The following CLDN22 variants were observed in gnomAD, a reference collection of about 807,000 sequenced individuals.
CLDN22 encodes the protein claudin-22.
For synonymous variants in CLDN22, 86 were observed against 107.9 expected, an observed-to-expected ratio of 0.80 and a Z score of 1.26; for missense variants, 227 against 252.2, an observed-to-expected ratio of 0.90 and a Z score of 0.68.
rs539048430 is a variant in CLDN22, at chr4:183,319,899, A to T, written c.320T>A (p.Ile107Asn). Residue 107 changes from isoleucine (I) to asparagine (N), a missense_variant, in exon 1 of 1, where the codon ATT (isoleucine) becomes AAT (asparagine). Coordinates refer to ENST00000323319, the MANE Select transcript of CLDN22 (RefSeq NM_001111319.3). ...CTTGAGATCTCTCTGACTCTCTCCAATTCTCAAACAGTCCAGGCCAAACCC... is the reference window on the plus strand; with the variant it reads ...CTTGAGATCTCTCTGACTCTCTCCATTTCTCAAACAGTCCAGGCCAAACCC... ...VSGFGLDCLR[I>N]GESQRDLKRR... 4.3e-6 allele frequency: 7 copies of T among 1,613,900 alleles called. No individual in the cohort carries two copies. The highest frequency in any genetic ancestry group is 5.9e-6 in the Non-Finnish European group (7 of 1,179,866).
In CLDN22 at chr4:183,319,413, G is replaced by A. The variant is rs1314691881; in HGVS notation, c.*143C>T. 4 of 933,882 alleles carry A rather than the reference G, an allele frequency of 4.3e-6. No homozygotes were observed. Among genetic ancestry groups the A allele is most frequent in the Non-Finnish European group, 6.4e-6 (4 of 620,518 alleles). The allele number at this position is 933,882 out of a possible 1,614,324, so 57.8% of individuals were successfully genotyped here. ...AGATAAAAATGGTTTACCAGTCTTGGAAAGAAACTATAGTTTAATAGCCAC... is the reference window on the plus strand; with the variant it reads ...AGATAAAAATGGTTTACCAGTCTTGAAAAGAAACTATAGTTTAATAGCCAC... On this transcript the variant is annotated 3_prime_UTR_variant, in exon 1 of 1. Transcript: ENST00000323319.
chr4:183,320,131 G>A lies in CLDN22; in HGVS notation c.88C>T (p.Leu30=), dbSNP rs1716911137. ...GWVLSCLTNY[L]PHWKNLNLDL... is the part of the protein sequence containing the mutation. ...AGGTTGAGGTTCTTCCAGTGTGGCA[G>A]GTAGTTTGTAAGACAGGATAAAACC... Residue 30 remains leucine, a synonymous_variant, in exon 1 of 1, where the codon CTG becomes TTG. Coordinates refer to ENST00000323319, the MANE Select transcript of CLDN22 (RefSeq NM_001111319.3). The A allele has an allele frequency of 1.2e-6, 2 of 1,613,928 alleles. No individual in the cohort carries two copies. The highest frequency in any genetic ancestry group is 1.3e-5 in the African/African-American group (1 of 74,872).
chr4:183,320,226 T>C lies in CLDN22; in HGVS notation c.-8A>G, dbSNP rs1249613600. ...TCTAAATACTAAAGCCATTATAATG[T>C]CCTGAGAGCTTTAGCCAAACTAACT... On this transcript the variant is annotated 5_prime_UTR_variant, in exon 1 of 1. Transcript: ENST00000323319. The C allele has an allele frequency of 1.9e-6, 3 of 1,603,808 alleles. No individual in the cohort carries two copies.
At position 183,319,423 on chromosome 4, in the gene CLDN22, A is replaced by G. The variant is rs1263833550; in HGVS notation, c.*133T>C. 5.1e-6 allele frequency: 5 copies of G among 982,010 alleles called. No individual in the cohort carries two copies. The highest frequency in any genetic ancestry group is 3.4e-5 in the South Asian group (2 of 59,680). The allele number at this position is 982,010 out of a possible 1,614,324, so 60.8% of individuals were successfully genotyped here. ...GGTTTACCAGTCTTGGAAAGAAACTATAGTTTAATAGCCACAGGAAAAGAT... is the reference window on the plus strand; with the variant it reads ...GGTTTACCAGTCTTGGAAAGAAACTGTAGTTTAATAGCCACAGGAAAAGAT... On this transcript the variant is annotated 3_prime_UTR_variant, in exon 1 of 1. Transcript: ENST00000323319.
In CLDN22 at chr4:183,320,266, G is replaced by T; in HGVS notation, c.-48C>A. The T allele has an allele frequency of 6.6e-7, 1 of 1,523,824 alleles. No homozygotes were observed. The highest frequency in any genetic ancestry group is 8.9e-7 in the Non-Finnish European group (1 of 1,121,502). 94.4% of individuals were successfully genotyped at this position (1,523,824 alleles called of 1,614,324 possible). A position where few individuals can be genotyped will look rare whatever the true frequency, so the allele number is the denominator to read the frequency against. On this transcript the variant is annotated 5_prime_UTR_variant, in exon 1 of 1. Transcript: ENST00000323319. ...CCAAACTAACTCCTGCCCTTCGGTT[G>T]CTGTGAAAAGAAGTGTGACACTTGT...
Position 183,320,262 on chromosome 4 carries a change from G to T in CLDN22, c.-44C>A. ...TTAGCCAAACTAACTCCTGCCCTTC[G>T]GTTGCTGTGAAAAGAAGTGTGACAC... On this transcript the variant is annotated 5_prime_UTR_variant, in exon 1 of 1. Transcript: ENST00000323319. The T allele has an allele frequency of 1.3e-6, 2 of 1,540,950 alleles. No homozygotes were observed. The highest frequency in any genetic ancestry group is 1.2e-5 in the South Asian group (1 of 81,428).
Position 183,320,174 on chromosome 4 carries a change from T to C in CLDN22, c.45A>G (p.Ser15=). The C allele has an allele frequency of 1.9e-6, 3 of 1,614,140 alleles. No individual in the cohort carries two copies. The highest frequency in any genetic ancestry group is 2.5e-6 in the Non-Finnish European group (3 of 1,180,020). ...ATAAAACCCATCCCAGCAAAGATAA[T>C]GAAACTCCAGCTAGTTGAGCTACAG... is the stretch of plus-strand genomic sequence containing the variant. ...FRTVAQLAGV[S]LSLLGWVLSC... Residue 15 remains serine (S), a synonymous_variant, in exon 1 of 1, where the codon TCA becomes TCG. Coordinates refer to ENST00000323319, the MANE Select transcript of CLDN22 (RefSeq NM_001111319.3).
At position 183,319,387 on chromosome 4, in the gene CLDN22, A is replaced by T; in HGVS notation, c.*169T>A. On this transcript the variant is annotated 3_prime_UTR_variant, in exon 1 of 1. Coordinates refer to ENST00000323319, the MANE Select transcript of CLDN22 (RefSeq NM_001111319.3). ...TTGATTGATTTTGGTCTCAGACTAGAAGATAAAAATGGTTTACCAGTCTTG... is the reference window on the plus strand; with the variant it reads ...TTGATTGATTTTGGTCTCAGACTAGTAGATAAAAATGGTTTACCAGTCTTG... The T allele has an allele frequency of 1.4e-6, 1 of 732,364 alleles. No homozygotes were observed. 45.4% of individuals were successfully genotyped at this position (732,364 alleles called of 1,614,324 possible).
rs535186367 is a variant in CLDN22 at position 183,319,488 on chromosome 4, C to T, written c.*68G>A. Reference sequence around the variant, plus strand: ...CAAAAGCACAGTGAGATGACTAGAGCGGGACATCCTACCAAATCCAGTGTT... The same window carrying T: ...CAAAAGCACAGTGAGATGACTAGAGTGGGACATCCTACCAAATCCAGTGTT... On this transcript the variant is annotated 3_prime_UTR_variant, in exon 1 of 1. Coordinates refer to ENST00000323319, the MANE Select transcript of CLDN22 (RefSeq NM_001111319.3). The T allele has an allele frequency of 9.1e-6, 13 of 1,435,124 alleles. No homozygotes were observed. The highest frequency in any genetic ancestry group is 2.9e-5 in the African/African-American group (2 of 70,032). 88.9% of individuals were successfully genotyped at this position (1,435,124 alleles called of 1,614,324 possible). A position where few individuals can be genotyped will look rare whatever the true frequency, so the allele number is the denominator to read the frequency against.
At position 183,319,889 on chromosome 4, in the gene CLDN22, A is replaced by G. The variant is rs565395129; in HGVS notation, c.330T>C (p.Ser110=). ...GCAGTCGCCTCTTGAGATCTCTCTG[A>G]CTCTCTCCAATTCTCAAACAGTCCA... ...FGLDCLRIGE[S]QRDLKRRLLI... The change falls in exon 1 of 1, where the codon AGT becomes AGC. Residue 110 remains serine (S), a synonymous_variant. Coordinates refer to ENST00000323319, the MANE Select transcript of CLDN22 (RefSeq NM_001111319.3). The G allele has an allele frequency of 6.2e-7, 1 of 1,613,634 alleles. No homozygotes were observed. The highest frequency in any genetic ancestry group is 8.5e-7 in the Non-Finnish European group (1 of 1,179,806).
chr4:183,319,519 A>G lies in CLDN22; in HGVS notation c.*37T>C, dbSNP rs1461601815. On this transcript the variant is annotated 3_prime_UTR_variant, in exon 1 of 1. Transcript: ENST00000323319. ...ATCCTACCAAATCCAGTGTTGAGCA[A>G]GCGTCTCCTGAACAGCAGACGCTTG... 9 of 1,552,482 alleles carry G rather than the reference A, an allele frequency of 5.8e-6. No individual in the cohort carries two copies. The highest frequency in any genetic ancestry group is 1.7e-4 in the Middle Eastern group (1 of 5,774).
Position 183,319,487 on chromosome 4 carries a change from G to A in CLDN22, c.*69C>T. On this transcript the variant is annotated 3_prime_UTR_variant, in exon 1 of 1. Transcript: ENST00000323319. ...TCAAAAGCACAGTGAGATGACTAGA[G>A]CGGGACATCCTACCAAATCCAGTGT... The A allele has an allele frequency of 7.0e-7, 1 of 1,434,582 alleles. No individual in the cohort carries two copies. The highest frequency in any genetic ancestry group is 9.5e-7 in the Non-Finnish European group (1 of 1,057,328). 88.9% of individuals were successfully genotyped at this position (1,434,582 alleles called of 1,614,324 possible). A position where few individuals can be genotyped will look rare whatever the true frequency, so the allele number is the denominator to read the frequency against.
At position 183,319,488 on chromosome 4, in the gene CLDN22, C is replaced by CG. The variant is rs1739559386; in HGVS notation, c.*67dup. On this transcript the variant is annotated 3_prime_UTR_variant, in exon 1 of 1. Coordinates refer to ENST00000323319, the MANE Select transcript of CLDN22 (RefSeq NM_001111319.3). ...CAAAAGCACAGTGAGATGACTAGAG[C>CG]GGGACATCCTACCAAATCCAGTGTT... The CG allele has an allele frequency of 7.7e-6, 11 of 1,435,132 alleles. No individual in the cohort carries two copies. The South Asian group carries it at 1.4e-4, about 18-fold the overall frequency. The allele number at this position is 1,435,132 out of a possible 1,614,324, so 88.9% of individuals were successfully genotyped here.
At position 183,319,817 on chromosome 4, in the gene CLDN22, C is replaced by T. The variant is rs1739575293; in HGVS notation, c.402G>A (p.Leu134=). 8 of 1,614,012 alleles carry T rather than the reference C, an allele frequency of 5.0e-6. No individual in the cohort carries two copies. Among genetic ancestry groups the T allele is most frequent in the Non-Finnish European group, 6.8e-6 (8 of 1,179,912 alleles). The change falls in exon 1 of 1, where the codon CTG becomes CTA. Residue 134 remains leucine (L), a synonymous_variant. Coordinates refer to ENST00000323319, the MANE Select transcript of CLDN22 (RefSeq NM_001111319.3). The part of the protein sequence containing the change: ...ILSWASGVTA[L]VPVSWVAHKT... Reference sequence around the variant, plus strand: ...TGTGGGCAACCCAAGAGACGGGAACCAGGGCTGTGACTCCCGAGGCCCAGG... The same window carrying T: ...TGTGGGCAACCCAAGAGACGGGAACTAGGGCTGTGACTCCCGAGGCCCAGG...
At position 183,320,263 on chromosome 4, in the gene CLDN22, G is replaced by A. The variant is rs771360497; in HGVS notation, c.-45C>T. ...TAGCCAAACTAACTCCTGCCCTTCG[G>A]TTGCTGTGAAAAGAAGTGTGACACT... On this transcript the variant is annotated 5_prime_UTR_variant, in exon 1 of 1. Coordinates refer to ENST00000323319, the MANE Select transcript of CLDN22 (RefSeq NM_001111319.3). 1.3e-6 allele frequency: 2 copies of A among 1,541,382 alleles called. No homozygotes were observed. The highest frequency in any genetic ancestry group is 4.5e-5 in the East Asian group (2 of 44,372).
rs180836649 is a variant in CLDN22, at chr4:183,318,176, A to G, written c.*1380T>C. ...TAGTTCTCAAGTTTGAATTATCAGTATATTATTACAATTTTGTATATCAGA... is the reference window on the plus strand; with the variant it reads ...TAGTTCTCAAGTTTGAATTATCAGTGTATTATTACAATTTTGTATATCAGA... On this transcript the variant is annotated 3_prime_UTR_variant, in exon 1 of 1. Transcript: ENST00000323319. 1 of 152,734 alleles carries G rather than the reference A, an allele frequency of 6.5e-6. No homozygotes were observed. The highest frequency in any genetic ancestry group is 1.5e-5 in the Non-Finnish European group (1 of 68,014). The allele number at this position is 152,734 out of a possible 1,614,324, so 9.5% of individuals were successfully genotyped here.
In CLDN22 at chr4:183,319,421, CTA is replaced by C; in HGVS notation, c.*133_*134del. ...ATGGTTTACCAGTCTTGGAAAGAAA[CTA>C]TAGTTTAATAGCCACAGGAAAAGAT... On this transcript the variant is annotated 3_prime_UTR_variant, in exon 1 of 1. Coordinates refer to ENST00000323319, the MANE Select transcript of CLDN22 (RefSeq NM_001111319.3). The C allele has an allele frequency of 1.0e-6, 1 of 983,294 alleles. No homozygotes were observed. The highest frequency in any genetic ancestry group is 2.4e-5 in the Admixed American group (1 of 41,314). The allele number at this position is 983,294 out of a possible 1,614,324, so 60.9% of individuals were successfully genotyped here. A position where few individuals can be genotyped will look rare whatever the true frequency, so the allele number is the denominator to read the frequency against.
rs756425846 is a variant in CLDN22, at chr4:183,319,739, C to A, written c.480G>T (p.Trp160Cys). Residue 160 changes from tryptophan to cysteine, a missense_variant, in exon 1 of 1, where the codon TGG becomes TGT. Transcript: ENST00000323319. ...DENVPDFVPR[W>C]EFGEALFLGW... is the part of the protein sequence containing the mutation. ...CCAGAAACAGGGCCTCCCCAAACTC[C>A]CACCTGGGGACAAAGTCTGGGACGT... is the stretch of plus-strand genomic sequence containing the variant. The A allele has an allele frequency of 2.5e-6, 4 of 1,613,956 alleles. No individual in the cohort carries two copies. Among genetic ancestry groups the A allele is most frequent in the Middle Eastern group, 1.7e-4 (1 of 6,054 alleles).
At position 183,319,494 on chromosome 4, in the gene CLDN22, A is replaced by T; in HGVS notation, c.*62T>A. 6.8e-7 allele frequency: 1 copy of T among 1,475,856 alleles called. No individual in the cohort carries two copies. The highest frequency in any genetic ancestry group is 9.1e-7 in the Non-Finnish European group (1 of 1,093,542). The allele number at this position is 1,475,856 out of a possible 1,614,324, so 91.4% of individuals were successfully genotyped here. A position where few individuals can be genotyped will look rare whatever the true frequency, so the allele number is the denominator to read the frequency against. On this transcript the variant is annotated 3_prime_UTR_variant, in exon 1 of 1. Transcript: ENST00000323319. ...CACAGTGAGATGACTAGAGCGGGAC[A>T]TCCTACCAAATCCAGTGTTGAGCAA...
Sources: allele counts gnomAD v4.1 joint callset, GRCh38; gene constraint gnomAD v4.1.1; transcripts MANE v1.5; gene names NCBI Gene and HGNC (gene_info 2026-07-23, HGNC 2026-07-21).